The following AOAH variants were observed in gnomAD, a reference collection of about 807,000 sequenced individuals.
AOAH encodes the protein acyloxyacyl hydrolase (neutrophil).
A neutral mutation model predicts 92.2 loss-of-function variants in AOAH; 64 were observed. The ratio of observed to expected loss-of-function variants is 0.69; its 90% CI spans 0.57 to 0.86. The LOEUF (loss-of-function observed/expected upper bound fraction) is 0.86. AOAH is among the 40% of genes least tolerant of loss of function. The pLI, the probability that AOAH is intolerant of heterozygous loss-of-function variation, is 0.00. For synonymous variants in AOAH, 263 were observed against 254.5 expected, an observed-to-expected ratio of 1.03 and a Z score of -0.32; for missense variants, 656 against 694.6, an observed-to-expected ratio of 0.94 and a Z score of 0.62.
intron 2 of AOAH, among the ~76,000 whole-genome samples, chr7:36,681,899 A>G (rs1483975051): frequency 6.6e-6 from 1 of 152,172 alleles, no homozygotes; most frequent in Admixed American, 6.5e-5. Flanking sequence ...ATGAACCCCA[A>G]TGTGCAATTA....
At chr7:36,565,045 T>C (rs1389864895) in intron 13 of AOAH, among the ~76,000 whole-genome samples, 1 of 152,246 alleles carries the variant, frequency 6.6e-6, no homozygotes, top group Non-Finnish European at 1.5e-5. Context: ...ATTCTTTCTC[T>C]TTTAAAAGTT....
chr7:36,645,118 C>T (rs1018583067), intron 4 of AOAH, among the ~76,000 whole-genome samples: 38 of 152,218 alleles, frequency 2.5e-4, no homozygotes, highest in Admixed American at 2.5e-3. Context: ...GAGGCAGTGT[C>T]TGTGCCCCCC....
intron 1 of AOAH, among the ~76,000 whole-genome samples, chr7:36,696,206 C>A (rs1797698104): frequency 6.6e-6 from 1 of 152,104 alleles, no homozygotes. Context: ...AGTTTTGAAA[C>A]CAGGTAGTGT....
chr7:36,548,641 A>G lies in AOAH; in HGVS notation c.1104T>C (p.Tyr368=). 1 of 1,613,828 alleles carries G rather than the reference A, an allele frequency of 6.2e-7. No homozygotes were observed. The highest frequency in any genetic ancestry group is 8.5e-7 in the Non-Finnish European group (1 of 1,179,770). ...KVLDYPAIVI[Y]AMIGNDVCSG... ...TGCAGACATCATTTCCAATCATGGC[A>G]TATATAACGATGGCGGGATAGTCCA... Residue 368 remains tyrosine, a synonymous_variant, in exon 15 of 21, where the codon TAT becomes TAC. Transcript: ENST00000617537.
chr7:36,658,290 A>T (rs1391536593), intron 4 of AOAH, among the ~76,000 whole-genome samples: 2 of 152,212 alleles, frequency 1.3e-5, no homozygotes, highest in African/African-American at 4.8e-5. Context: ...CACTAAAATG[A>T]ACTTCATTTT....
chr7:36,706,460 T>C (rs1247405800), intron 1 of AOAH, among the ~76,000 whole-genome samples: 1 of 152,150 alleles, frequency 6.6e-6, no homozygotes, highest in African/African-American at 2.4e-5. Flanking sequence ...CAGAGTAGAT[T>C]TAGAAAAATT....
chr7:36,533,671 TTG>T lies in AOAH; in HGVS notation c.1307-1329_1307-1328del, dbSNP rs1491246983. ...CCACTGAGGATTTGTTCCCTCTATT[TTG>T]TGTGCGTGTGTGTGTGTGTGTGTGT... is the stretch of plus-strand genomic sequence containing the variant. On this transcript the variant is annotated intron_variant, in intron 16 of 20. Coordinates refer to ENST00000617537, the MANE Select transcript of AOAH (RefSeq NM_001637.4). 1.7e-4 allele frequency among the ~76,000 whole-genome samples: 23 copies of T among 133,708 alleles called. 2 individuals are homozygous for T. In the South Asian group the frequency reaches 5.2e-3, roughly 30 times the overall value. The allele number at this position is 133,708 out of a possible 152,430, so 87.7% of individuals were successfully genotyped here. A position where few individuals can be genotyped will look rare whatever the true frequency, so the allele number is the denominator to read the frequency against.
intron 12 of AOAH, among the ~76,000 whole-genome samples, chr7:36,582,932 C>T (rs1012378525): frequency 7.2e-5 from 11 of 151,980 alleles, no homozygotes; most frequent in Non-Finnish European, 1.6e-4. Flanking sequence ...GCAACCTCCA[C>T]CTCCTGGGTT....
At chr7:36,523,546 C>T (rs935942416) in intron 19 of AOAH, among the ~76,000 whole-genome samples, 1 of 151,648 alleles carries the variant, frequency 6.6e-6, no homozygotes, top group African/African-American at 2.4e-5. Flanking sequence ...TCTTTCTTGC[C>T]CTTGGCCATA....
intron 20 of AOAH, among the ~76,000 whole-genome samples, chr7:36,517,228 C>CTTTCTTTCTTTCTTTCTTTCTT (rs200489121): frequency 1.8e-5 from 1 of 54,784 alleles, no homozygotes; most frequent in Non-Finnish European, 4.0e-5. Flanking sequence ...TTCTTTCTGT[C>CTTTCTTTCTTTCTTTCTTTCTT]TCTCTCTCTC....
At chr7:36,589,651 G>A (rs541831634) in intron 12 of AOAH, among the ~76,000 whole-genome samples, 81 of 152,310 alleles carry the variant, frequency 5.3e-4, no homozygotes, top group African/African-American at 1.8e-3. Context: ...GCACATAAAT[G>A]AGGTTGAGGA....
chr7:36,535,002 G>A lies in AOAH; in HGVS notation c.1307-2658C>T, dbSNP rs556423394. 3.0e-3 allele frequency among the ~76,000 whole-genome samples: 357 copies of A among 119,684 alleles called. 1 individual carries two copies. The highest frequency in any genetic ancestry group is 4.6e-3 in the Non-Finnish European group (255 of 55,950). 78.5% of individuals were successfully genotyped at this position (119,684 alleles called of 152,430 possible). A position where few individuals can be genotyped will look rare whatever the true frequency, so the allele number is the denominator to read the frequency against. ...TGTGTGTTTGTGTGTGTCTGCTTGT[G>A]TGTATCTGTGTGTGTCTGTGTCTGT... On this transcript the variant is annotated intron_variant, in intron 16 of 20. Coordinates refer to ENST00000617537, the MANE Select transcript of AOAH (RefSeq NM_001637.4).
intron 13 of AOAH, among the ~76,000 whole-genome samples, chr7:36,556,543 A>T (rs1786729358): frequency 2.0e-5 from 3 of 150,962 alleles, no homozygotes; most frequent in Non-Finnish European, 4.4e-5. Flanking sequence ...TATCCTTGTT[A>T]ACTTTCTGTC....
intron 15 of AOAH, 123 bp from the exon 16 acceptor site, chr7:36,540,614 A>G (rs1316831720): frequency 3.4e-6 from 3 of 890,874 alleles, no homozygotes; most frequent in African/African-American, 1.7e-5. Flanking sequence ...TGTGGTGGTC[A>G]TTGGAGCTAT....
intron 5 of AOAH, among the ~76,000 whole-genome samples, chr7:36,637,555 A>C (rs573589276): frequency 1.3e-5 from 2 of 152,120 alleles, no homozygotes; most frequent in East Asian, 3.9e-4. Context: ...GCTGGCATCT[A>C]GTAGGTAGAA....
chr7:36,518,322 G>C (rs6969094), intron 20 of AOAH, among the ~76,000 whole-genome samples: 4,238 of 151,782 alleles, frequency 0.028, 202 homozygotes, highest in African/African-American at 0.097. Context: ...CAATTCTCCT[G>C]TCAGCCTCCT....
chr7:36,571,674 A>T (rs1562580871), intron 13 of AOAH, among the ~76,000 whole-genome samples: 1 of 152,096 alleles, frequency 6.6e-6, no homozygotes, highest in South Asian at 2.1e-4. Flanking sequence ...TTGCAGAGGG[A>T]GTCCCTTCTT....
intron 1 of AOAH, among the ~76,000 whole-genome samples, chr7:36,699,929 T>C (rs1006499942): frequency 2.0e-5 from 3 of 152,168 alleles, no homozygotes; most frequent in Non-Finnish European, 4.4e-5. Flanking sequence ...TGTAGTTTCA[T>C]GTCTTAGATT....
At chr7:36,566,094 C>CT (rs35521941) in intron 13 of AOAH, among the ~76,000 whole-genome samples, 10,950 of 119,794 alleles carry the variant, frequency 0.091, 532 homozygotes, top group Non-Finnish European at 0.1. Context: ...GTAATACTGG[C>CT]TTTTTTTTTT....
Sources: allele counts gnomAD v4.1 joint callset (sites outside exome capture counted in the v4.1 genomes callset), GRCh38; gene constraint gnomAD v4.1.1; transcripts MANE v1.5; gene names NCBI Gene and HGNC (gene_info 2026-07-23, HGNC 2026-07-21).